UNC13C: variants seen among roughly 807,000 people sequenced by gnomAD.
UNC13C encodes the protein protein unc-13 homolog C.
In UNC13C, 174 loss-of-function variants were observed where a neutral mutation model predicts 245.4. The observed-to-expected ratio is 0.71, with a 90% CI of 0.63 to 0.80. The LOEUF (loss-of-function observed/expected upper bound fraction) is 0.80. Among genes scored for constraint, UNC13C ranks in the 30% least tolerant of loss-of-function variants. The pLI, the probability that UNC13C is intolerant of heterozygous loss-of-function variation, is 0.00. For missense variants in UNC13C, 2,829 were observed against 2,602.9 expected (o/e 1.09, Z -1.89); for synonymous variants, 992 against 895.1 (o/e 1.11, Z -1.93).
At chr15:54,458,017 G>A (rs1596410844) in intron 19 of UNC13C, among the ~76,000 whole-genome samples, 3 of 150,890 alleles carry the variant, frequency 2.0e-5, no homozygotes, top group African/African-American at 7.3e-5. Flanking sequence ...TTAGATGTAG[G>A]CATTTAAGCT....
intron 2 of UNC13C, among the ~76,000 whole-genome samples, chr15:54,064,585 GAAT>G (rs1897990132): frequency 6.6e-6 from 1 of 152,186 alleles, no homozygotes; most frequent in African/African-American, 2.4e-5. Flanking sequence ...AGCTCATTCA[GAAT>G]AATTAAATGG....
chr15:54,455,616 T>C (rs776419513), intron 19 of UNC13C, among the ~76,000 whole-genome samples: 20 of 151,618 alleles, frequency 1.3e-4, no homozygotes, highest in Non-Finnish European at 2.7e-4. Flanking sequence ...TCACTAGTAA[T>C]TTGAGCATTT....
At chr15:54,091,600 T>C (rs1208736420) in intron 2 of UNC13C, among the ~76,000 whole-genome samples, 1 of 152,180 alleles carries the variant, frequency 6.6e-6, no homozygotes, top group Non-Finnish European at 1.5e-5. Flanking sequence ...TGTTTATTTC[T>C]ATAGATTTTA....
chr15:54,304,933 A>G (rs1212717579), intron 13 of UNC13C, among the ~76,000 whole-genome samples: 2 of 152,108 alleles, frequency 1.3e-5, no homozygotes, highest in East Asian at 1.9e-4. Context: ...TTTTTATACA[A>G]AAATATACGT....
intron 1 of UNC13C, among the ~76,000 whole-genome samples, chr15:53,987,655 C>G (rs1175233549): frequency 6.6e-6 from 1 of 151,962 alleles, no homozygotes; most frequent in Non-Finnish European, 1.5e-5. Context: ...GCAATTGGCT[C>G]TGAAAGAAGA....
At chr15:54,444,141 T>C (rs1432970770) in intron 19 of UNC13C, among the ~76,000 whole-genome samples, 2 of 151,932 alleles carry the variant, frequency 1.3e-5, no homozygotes, top group Non-Finnish European at 2.9e-5. Flanking sequence ...TATCATTATA[T>C]AATAATCTTC....
At chr15:54,059,705 GA>G (rs1897715634) in intron 2 of UNC13C, among the ~76,000 whole-genome samples, 1 of 152,156 alleles carries the variant, frequency 6.6e-6, no homozygotes, top group African/African-American at 2.4e-5. Flanking sequence ...CACGTTACCT[GA>G]CTTCAAACTA....
chr15:54,401,899 T>C (rs1455746070), intron 18 of UNC13C, among the ~76,000 whole-genome samples: 1 of 152,130 alleles, frequency 6.6e-6, no homozygotes, highest in African/African-American at 2.4e-5. Context: ...TTTAGTCTTG[T>C]TTCTCCATTA....
At position 54,338,321 on chromosome 15, in the gene UNC13C, C is replaced by T. The variant is rs57728847; in HGVS notation, c.4585-40C>T. On this transcript the variant is annotated intron_variant, in intron 16 of 32. Coordinates refer to ENST00000260323, the MANE Select transcript of UNC13C (RefSeq NM_001080534.3). ...TAGTTTATACTAGATTACAATGTGTCACTGTTGCATTTGAGAAAATAAATG... is the reference window on the plus strand; with the variant it reads ...TAGTTTATACTAGATTACAATGTGTTACTGTTGCATTTGAGAAAATAAATG... 5,477 of 1,594,734 alleles carry T rather than the reference C, an allele frequency of 3.4e-3. 177 individuals are homozygous for T. In the East Asian group the frequency reaches 0.081, roughly 24 times the overall value.
intron 19 of UNC13C, among the ~76,000 whole-genome samples, chr15:54,461,681 A>C (rs1236088495): frequency 6.6e-6 from 1 of 152,208 alleles, no homozygotes; most frequent in Non-Finnish European, 1.5e-5. Flanking sequence ...TGAGTAAATC[A>C]GGTAGGATTC....
At chr15:54,097,313 G>C (rs1463254450) in intron 2 of UNC13C, among the ~76,000 whole-genome samples, 1 of 152,016 alleles carries the variant, frequency 6.6e-6, no homozygotes, top group Non-Finnish European at 1.5e-5. Context: ...TTGTTAGTTG[G>C]CTTTGTCCAT....
At chr15:54,380,719 G>A (rs2039705726) in intron 17 of UNC13C, among the ~76,000 whole-genome samples, 1 of 152,132 alleles carries the variant, frequency 6.6e-6, no homozygotes, top group Non-Finnish European at 1.5e-5. Context: ...AAATGATGCT[G>A]AGCATTTTTC....
In UNC13C at chr15:54,263,443, A is replaced by G. The variant is rs74854926; in HGVS notation, c.3449-725A>G. 2.6e-3 allele frequency among the ~76,000 whole-genome samples: 399 copies of G among 152,280 alleles called. 2 individuals are homozygous for G. Among genetic ancestry groups the G allele is most frequent in the African/African-American group, 9.2e-3 (384 of 41,576 alleles). On this transcript the variant is annotated intron_variant, in intron 8 of 32. Coordinates refer to ENST00000260323, the MANE Select transcript of UNC13C (RefSeq NM_001080534.3). ...GGGATCCAATAATGGAATTTTAGAA[A>G]TCTCTCACTGACAGAATGATTTGTG...
chr15:54,042,256 C>T (rs955709469), intron 2 of UNC13C, among the ~76,000 whole-genome samples: 1 of 152,020 alleles, frequency 6.6e-6, no homozygotes, highest in Non-Finnish European at 1.5e-5. Context: ...TTATTTTTGA[C>T]ATAAAGCATG....
chr15:54,063,316 G>A (rs1388377638), intron 2 of UNC13C, among the ~76,000 whole-genome samples: 4 of 152,138 alleles, frequency 2.6e-5, no homozygotes, highest in African/African-American at 4.8e-5. Context: ...ACACGAAGCT[G>A]AGTAAGAGGT....
intron 13 of UNC13C, among the ~76,000 whole-genome samples, chr15:54,304,546 A>T (rs558913221): frequency 1.3e-5 from 2 of 151,416 alleles, no homozygotes; most frequent in African/African-American, 4.8e-5. Flanking sequence ...GCCCTTGCAG[A>T]TTCCAAATGA....
At chr15:54,236,958 C>T (rs1021010886) in intron 6 of UNC13C, among the ~76,000 whole-genome samples, 4 of 152,074 alleles carry the variant, frequency 2.6e-5, no homozygotes, top group South Asian at 2.1e-4. Flanking sequence ...TGCTGAGTTT[C>T]TTGTATTTCA....
chr15:53,851,749 T>A, the UNC13C span, among the ~76,000 whole-genome samples: 2 of 152,152 alleles, frequency 1.3e-5, no homozygotes, highest in Non-Finnish European at 2.9e-5. Flanking sequence ...GACGTGGTTG[T>A]CCATCGTTCA....
chr15:54,250,376 A>T lies in UNC13C; in HGVS notation c.3380A>T (p.Lys1127Met). Residue 1127 changes from lysine (K) to methionine (M), a missense_variant, in exon 8 of 33, where the codon AAG becomes ATG. Transcript: ENST00000260323. The part of the protein sequence containing the change: ...LLWGIARQGM[K>M]CLECGVKCHE... ...TGGGGCATTGCAAGGCAAGGCATGA[A>T]GTGTCTGGAGTGTGGAGTGAAATGC... is the stretch of plus-strand genomic sequence containing the variant. The T allele has an allele frequency of 6.2e-7, 1 of 1,613,884 alleles. No individual in the cohort carries two copies. The highest frequency in any genetic ancestry group is 8.5e-7 in the Non-Finnish European group (1 of 1,179,850).
Sources: gnomAD v4.1 joint callset for allele counts (sites outside exome capture counted in the v4.1 genomes callset) on GRCh38, gnomAD v4.1.1 for gene constraint, MANE v1.5 for transcripts, NCBI Gene and HGNC (gene_info 2026-07-23, HGNC 2026-07-21) for gene names.